Variants in NCOA2 observed in about 807,000 individuals in gnomAD.
The protein encoded by NCOA2 is class E basic helix-loop-helix protein 75.
Under a neutral mutation model 145.1 loss-of-function variants are expected in NCOA2, and 21 were observed. That is an observed-to-expected ratio of 0.14 (90% confidence interval 0.10 to 0.21). The LOEUF is 0.21. Ranked by LOEUF, NCOA2 falls within the 10% of genes least tolerant of loss-of-function variation. The pLI is 1.00. For missense variants in NCOA2, 1,472 were observed against 1,837.6 expected (o/e 0.80, Z 3.64); for synonymous variants, 619 against 637.5 (o/e 0.97, Z 0.44).
At chr8:70,385,150 T>G (rs1241756276) in intron 1 of NCOA2, among the ~76,000 whole-genome samples, 1 of 152,216 alleles carries the variant, frequency 6.6e-6, no homozygotes, top group Non-Finnish European at 1.5e-5. Context: ...CTAACTTTTT[T>G]CATAGTTCTT....
At chr8:70,166,517 C>T (rs752028221) in intron 7 of NCOA2, 49 bp downstream of exon 7, 25 of 1,590,604 alleles carry the variant, frequency 1.6e-5, no homozygotes, top group Admixed American at 3.4e-5. Flanking sequence ...GGAAGTAGCA[C>T]AGGAATAAAT....
chr8:70,347,939 T>C (rs1474917121), intron 1 of NCOA2, among the ~76,000 whole-genome samples: 2 of 152,176 alleles, frequency 1.3e-5, no homozygotes, highest in South Asian at 2.1e-4. Context: ...TGTAGGAAAT[T>C]TCACTGAAGG....
intron 2 of NCOA2, among the ~76,000 whole-genome samples, chr8:70,266,179 A>C (rs1223502503): frequency 6.6e-6 from 1 of 152,074 alleles, no homozygotes; most frequent in African/African-American, 2.4e-5. Context: ...AACAAACAAA[A>C]AGAGATGGAG....
chr8:70,203,589 GAAAT>G (rs1185540580), intron 4 of NCOA2, among the ~76,000 whole-genome samples: 1 of 151,392 alleles, frequency 6.6e-6, no homozygotes, highest in East Asian at 1.9e-4. Flanking sequence ...AAAAAAAAAA[GAAAT>G]AAGAAAGAAA....
chr8:70,417,406 AGGCATGGTGGTG>A, the NCOA2 span, among the ~76,000 whole-genome samples: 1 of 151,958 alleles, frequency 6.6e-6, no homozygotes, highest in East Asian at 1.9e-4. Context: ...AAAATTTGTC[AGGCATGGTGGTG>A]GGCGCCTGTA....
chr8:70,394,831 T>C (rs1410893400), intron 1 of NCOA2, among the ~76,000 whole-genome samples: 1 of 152,180 alleles, frequency 6.6e-6, no homozygotes, highest in African/African-American at 2.4e-5. Flanking sequence ...CCTACTACAA[T>C]AGAAGCTCAG....
intron 1 of NCOA2, among the ~76,000 whole-genome samples, chr8:70,369,045 A>T (rs1455603694): frequency 6.6e-6 from 1 of 152,252 alleles, no homozygotes; most frequent in African/African-American, 2.4e-5. Flanking sequence ...CTGTCCCATT[A>T]ACTACTTCAT....
chr8:70,383,818 T>C (rs1459729508), intron 1 of NCOA2, among the ~76,000 whole-genome samples: 2 of 152,210 alleles, frequency 1.3e-5, no homozygotes, highest in Non-Finnish European at 1.5e-5. Flanking sequence ...AAATTTTCTT[T>C]ATTGCTATTT....
chr8:70,129,694 G>A (rs1166987495), intron 16 of NCOA2, among the ~76,000 whole-genome samples: 1 of 151,476 alleles, frequency 6.6e-6, no homozygotes, highest in South Asian at 2.1e-4. Flanking sequence ...TTTTTGAGAC[G>A]GAGTTTCGCT....
intron 1 of NCOA2, among the ~76,000 whole-genome samples, chr8:70,301,717 A>G (rs150935611): frequency 6.6e-6 from 1 of 151,566 alleles, no homozygotes; most frequent in East Asian, 1.9e-4. Flanking sequence ...AACCAAGTCA[A>G]TTTTTTCATG....
rs1813646110 is a variant in NCOA2, at chr8:70,166,624, A to G, written c.672T>C (p.Tyr224=). The stretch of plus-strand genomic sequence containing the variant: ...AGACAGCGAAGCACTGCATAGTTTC[A>G]TATTTCTGATGAGCTTCCTGGTTAT... The part of the protein sequence containing the change: ...GHDNQEAHQK[Y]ETMQCFAVSQ... Residue 224 remains tyrosine (Y), a synonymous_variant, in exon 7 of 23, where the codon TAT becomes TAC. Coordinates refer to ENST00000452400, the MANE Select transcript of NCOA2 (RefSeq NM_006540.4). 1 of 1,613,968 alleles carries G rather than the reference A, an allele frequency of 6.2e-7. No homozygotes were observed. Among genetic ancestry groups the G allele is most frequent in the Admixed American group, 1.7e-5 (1 of 60,030 alleles).
Position 70,242,025 on chromosome 8 carries a change from A to G in NCOA2, c.-19-25261T>C, listed in dbSNP as rs1586223316. Among the ~76,000 whole-genome samples, 4 of 152,170 alleles carry G rather than the reference A, an allele frequency of 2.6e-5. No individual in the cohort carries two copies. In the South Asian group the frequency reaches 8.3e-4, roughly 32 times the overall value. On this transcript the variant is annotated intron_variant, in intron 2 of 22. Coordinates refer to ENST00000452400, the MANE Select transcript of NCOA2 (RefSeq NM_006540.4). ...GGAAAAACCAATTAATGTAGAACTA[A>G]AAATAAAAAGGCTATTACGGTTTCA...
intron 15 of NCOA2, among the ~76,000 whole-genome samples, chr8:70,133,561 G>C (rs1487884151): frequency 1.3e-5 from 2 of 152,178 alleles, no homozygotes; most frequent in African/African-American, 4.8e-5. Flanking sequence ...TGAGTTGCCT[G>C]AATACTAAAA....
At chr8:70,250,605 TGG>T (rs1319652409) in intron 2 of NCOA2, among the ~76,000 whole-genome samples, 2 of 152,020 alleles carry the variant, frequency 1.3e-5, no homozygotes, top group African/African-American at 4.8e-5. Context: ...CTTCTGAAGC[TGG>T]GTATGAAGGG....
intron 3 of NCOA2, among the ~76,000 whole-genome samples, chr8:70,214,527 AAAAT>A (rs1285365258): frequency 1.3e-5 from 2 of 152,246 alleles, no homozygotes; most frequent in Non-Finnish European, 2.9e-5. Context: ...TAAAACATAA[AAAAT>A]AAAACCAGAT....
At chr8:70,170,073 C>T (rs1814068240) in intron 6 of NCOA2, 129 bp downstream of exon 6, 1 of 877,552 alleles carries the variant, frequency 1.1e-6, no homozygotes, top group African/African-American at 1.7e-5. Flanking sequence ...AAAAAACTAC[C>T]CAGTCACTCT....
Position 70,216,673 on chromosome 8 carries a change from G to C in NCOA2, c.73C>G (p.Gln25Glu), listed in dbSNP as rs1819650054. Residue 25 changes from glutamine (Q) to glutamate (E), a missense_variant, in exon 3 of 23, where the codon CAA (glutamine) becomes GAA (glutamate). Gln to Glu is a conservative substitution (Grantham distance 29, BLOSUM62 2). Around this residue, in one of 4 missense-constraint regions of NCOA2, gnomAD observed 284 missense variants for 467.8 expected, o/e 0.61. Coordinates refer to ENST00000452400, the MANE Select transcript of NCOA2 (RefSeq NM_006540.4). ...CAAGAATCTAACCTGGGTCCAAGTT[G>C]GTCAGGACATTCCTTGCGCTTTCTT... ...ETRKRKECPD[Q>E]LGPSPKRNTE... is the part of the protein sequence containing the mutation. The C allele has an allele frequency of 6.2e-7, 1 of 1,612,554 alleles. No individual in the cohort carries two copies. The highest frequency in any genetic ancestry group is 1.3e-5 in the African/African-American group (1 of 74,990).
intron 2 of NCOA2, among the ~76,000 whole-genome samples, chr8:70,251,223 A>T (rs1412563406): frequency 1.3e-5 from 2 of 152,148 alleles, no homozygotes; most frequent in Admixed American, 6.5e-5. Flanking sequence ...AGGGACTGCT[A>T]TTTTGTTGGG....
At chr8:70,316,950 G>A (rs1243307759) in intron 1 of NCOA2, among the ~76,000 whole-genome samples, 1 of 152,122 alleles carries the variant, frequency 6.6e-6, no homozygotes, top group Non-Finnish European at 1.5e-5. Context: ...TCCTCACACT[G>A]TTCGGAAGGT....
Sources: allele counts gnomAD v4.1 joint callset (sites outside exome capture counted in the v4.1 genomes callset), GRCh38; gene constraint gnomAD v4.1.1; regional missense constraint gnomAD v4.1.1; transcripts MANE v1.5; gene names NCBI Gene and HGNC (gene_info 2026-07-23, HGNC 2026-07-21).